The following PUM2 variants were observed in gnomAD, a reference collection of about 807,000 sequenced individuals.
The protein encoded by PUM2 is pumilio homolog 2.
In PUM2, 57 loss-of-function variants were observed where a neutral mutation model predicts 124.5. That is an observed-to-expected ratio of 0.46 (90% CI 0.37 to 0.57). PUM2 has a LOEUF of 0.57. Among genes scored for constraint, PUM2 ranks in the 20% least tolerant of loss-of-function variants. PUM2 has a pLI of 0.00. For synonymous variants in PUM2, 460 were observed against 446.1 expected (o/e 1.03, Z -0.39); for missense variants, 1,065 against 1,290.6 (o/e 0.83, Z 2.68).
At chr2:20,343,561 ATC>A (rs1687636923) in intron 1 of PUM2, among the ~76,000 whole-genome samples, 2 of 152,200 alleles carry the variant, frequency 1.3e-5, no homozygotes, top group Non-Finnish European at 2.9e-5. Context: ...AGAGAAAGAA[ATC>A]ATACCAAACC....
rs777191656 is a variant in PUM2 at position 20,297,675 on chromosome 2, C to A, written c.887G>T (p.Gly296Val). Residue 296 changes from glycine to valine, a missense_variant, in exon 8 of 21, where the codon GGT (glycine) becomes GTT (valine). Physicochemically the swap from Gly to Val is moderately radical, Grantham distance 109 (BLOSUM62 -3). Coordinates refer to ENST00000361078, the MANE Select transcript of PUM2 (RefSeq NM_015317.5). ...LAAAQQPHIAGVFSAGLAPAA... is the reference protein window; with the variant it reads ...LAAAQQPHIAVVFSAGLAPAA... ...TGGAGCAAGGCCTGCTGAGAATACA[C>A]CAGCTATATTTTAAAAGGGGAGAAA... 2 of 1,607,078 alleles carry A rather than the reference C, an allele frequency of 1.2e-6. No homozygotes were observed. The highest frequency in any genetic ancestry group is 1.7e-6 in the Non-Finnish European group (2 of 1,177,408).
chr2:20,262,354 T>C (rs944533215), intron 14 of PUM2, among the ~76,000 whole-genome samples: 2 of 152,260 alleles, frequency 1.3e-5, no homozygotes, highest in African/African-American at 2.4e-5. Context: ...ATCTTTTCTA[T>C]TGTTTATTAT....
intron 1 of PUM2, among the ~76,000 whole-genome samples, chr2:20,343,916 G>C (rs566490205): frequency 1.3e-5 from 2 of 151,996 alleles, no homozygotes; most frequent in South Asian, 4.2e-4. Context: ...GCAACACGAT[G>C]AGACACCCGC....
chr2:20,296,922 C>T (rs1675741428), intron 8 of PUM2, among the ~76,000 whole-genome samples: 6 of 152,084 alleles, frequency 3.9e-5, no homozygotes, highest in Admixed American at 3.9e-4. Context: ...GACAGTCTCA[C>T]TCTGTCACCC....
intron 12 of PUM2, among the ~76,000 whole-genome samples, chr2:20,280,700 T>G (rs1207552178): frequency 6.6e-6 from 1 of 152,198 alleles, no homozygotes; most frequent in Non-Finnish European, 1.5e-5. Flanking sequence ...CTCTTTAAGT[T>G]TTACTATATG....
intron 15 of PUM2, 123 bp from the exon 16 acceptor site, chr2:20,258,494 T>C (rs1478933957): frequency 7.1e-6 from 6 of 841,912 alleles, no homozygotes; most frequent in Non-Finnish European, 1.1e-5. Flanking sequence ...GGCTTTAAGG[T>C]AGAAGCTAAT....
chr2:20,269,547 C>T (rs931665621), intron 13 of PUM2, among the ~76,000 whole-genome samples: 4 of 152,078 alleles, frequency 2.6e-5, no homozygotes, highest in African/African-American at 9.7e-5. Context: ...GGAGGAAAGA[C>T]TAAGACTACA....
chr2:20,299,023 C>T (rs1676328420), intron 7 of PUM2, among the ~76,000 whole-genome samples: 1 of 152,202 alleles, frequency 6.6e-6, no homozygotes, highest in South Asian at 2.1e-4. Flanking sequence ...GCTCTGCACA[C>T]CTGTATCCTT....
chr2:20,276,188 C>T (rs115219145), intron 13 of PUM2, among the ~76,000 whole-genome samples: 2,208 of 151,552 alleles, frequency 0.015, 65 homozygotes, highest in African/African-American at 0.05. Context: ...TACTTCAACC[C>T]AAAAGTGATT....
At chr2:20,260,531 C>T in intron 14 of PUM2, 65 bp from the exon 15 acceptor site, 1 of 1,406,756 alleles carries the variant, frequency 7.1e-7, no homozygotes, top group Non-Finnish European at 9.8e-7. Context: ...TACACCCTAC[C>T]CTTCCACATA....
intron 19 of PUM2, 140 bp downstream of exon 19, chr2:20,254,723 T>C: frequency 1.2e-6 from 1 of 827,150 alleles, no homozygotes; most frequent in Non-Finnish European, 1.7e-6. Context: ...ACAAAAGCAA[T>C]GTTCTATAGG....
intron 7 of PUM2, among the ~76,000 whole-genome samples, chr2:20,300,744 T>A: frequency 7.1e-6 from 1 of 141,712 alleles, no homozygotes; most frequent in Non-Finnish European, 1.5e-5. Flanking sequence ...AAATCCTGCC[T>A]CCCATTCTAT....
At chr2:20,348,310 A>C (rs760665311) in intron 1 of PUM2, among the ~76,000 whole-genome samples, 12 of 152,232 alleles carry the variant, frequency 7.9e-5, no homozygotes, top group African/African-American at 2.9e-4. Context: ...AGCCATGTAG[A>C]CAAAGCCATG....
At position 20,312,369 on chromosome 2, in the gene PUM2, T is replaced by C. The variant is rs959924092; in HGVS notation, c.215A>G (p.His72Arg). 6.2e-7 allele frequency: 1 copy of C among 1,613,842 alleles called. No individual in the cohort carries two copies. Among genetic ancestry groups the C allele is most frequent in the Non-Finnish European group, 8.5e-7 (1 of 1,179,808 alleles). Reference protein sequence around the residue: ...MVQRRSGQGFHGNSEVNAILS... With the variant: ...MVQRRSGQGFRGNSEVNAILS... ...TATTGCATTTACTTCACTGTTTCCATGAAAACCCTGTCCAGATCTTCTCTG... is the reference window on the plus strand; with the variant it reads ...TATTGCATTTACTTCACTGTTTCCACGAAAACCCTGTCCAGATCTTCTCTG... Residue 72 changes from histidine (H) to arginine (R), a missense_variant, in exon 4 of 21, where the codon CAT (histidine) becomes CGT (arginine). His to Arg is a conservative substitution (Grantham distance 29). Around this residue, in one of 3 missense-constraint regions of PUM2, gnomAD observed 90 missense variants for 103.6 expected, o/e 0.87. Coordinates refer to ENST00000361078, the MANE Select transcript of PUM2 (RefSeq NM_015317.5).
chr2:20,285,578 CACAG>C (rs1672539234), intron 10 of PUM2, among the ~76,000 whole-genome samples: 1 of 152,114 alleles, frequency 6.6e-6, no homozygotes, highest in South Asian at 2.1e-4. Flanking sequence ...GTTCCTCTGT[CACAG>C]CATGATATTT....
Position 20,297,640 on chromosome 2 carries a change from C to G in PUM2, c.922G>C (p.Val308Leu). The change falls in exon 8 of 21, where the codon GTG (valine) becomes CTG (leucine). Residue 308 changes from valine (V) to leucine (L), a missense_variant. By Grantham distance (32) the Val-to-Leu change is conservative (BLOSUM62 1). Around this residue, in one of 3 missense-constraint regions of PUM2, gnomAD observed 968 missense variants for 1,159.8 expected, o/e 0.83. Transcript: ENST00000361078. ...FSAGLAPAAFVPNPYIISAAP... is the reference protein window; with the variant it reads ...FSAGLAPAAFLPNPYIISAAP... ...GCACTAATAATGTATGGATTTGGCA[C>G]AAATGCAGCTGGAGCAAGGCCTGCT... 6.2e-7 allele frequency: 1 copy of G among 1,613,348 alleles called. No individual in the cohort carries two copies. The highest frequency in any genetic ancestry group is 8.5e-7 in the Non-Finnish European group (1 of 1,179,334).
chr2:20,307,357 A>G (rs1326029569), intron 7 of PUM2, among the ~76,000 whole-genome samples: 1 of 152,250 alleles, frequency 6.6e-6, no homozygotes, highest in African/African-American at 2.4e-5. Context: ...AAACTTAGAC[A>G]AAATCAGACA....
chr2:20,266,632 A>T (rs963590264), intron 13 of PUM2, among the ~76,000 whole-genome samples: 1 of 152,240 alleles, frequency 6.6e-6, no homozygotes, highest in Admixed American at 6.5e-5. Context: ...TTTAACATAC[A>T]TTAGACATTT....
At chr2:20,330,464 T>C (rs1344026306) in intron 1 of PUM2, among the ~76,000 whole-genome samples, 1 of 152,152 alleles carries the variant, frequency 6.6e-6, no homozygotes, top group Non-Finnish European at 1.5e-5. Flanking sequence ...GAAAACTTAG[T>C]TGATCACGAA....
Sources: allele counts gnomAD v4.1 joint callset (sites outside exome capture counted in the v4.1 genomes callset), GRCh38; gene constraint gnomAD v4.1.1; regional missense constraint gnomAD v4.1.1; transcripts MANE v1.5; gene names NCBI Gene and HGNC (gene_info 2026-07-23, HGNC 2026-07-21).